The following WDR86 variants were observed in gnomAD, a reference collection of about 807,000 sequenced individuals.
The protein encoded by WDR86 is WD repeat-containing protein 86.
In WDR86, 30 loss-of-function variants were observed where a neutral mutation model predicts 36.5. That is an observed-to-expected ratio of 0.82 (90% CI 0.61 to 1.11). The LOEUF is 1.11. Ranked by LOEUF, WDR86 falls within the 50% of genes most tolerant of loss-of-function variation. WDR86 has a pLI of 0.00. For missense variants in WDR86, 545 were observed against 561.2 expected (o/e 0.97, Z 0.29); for synonymous variants, 255 against 252.9 (o/e 1.01, Z -0.08).
At chr7:151,375,954 G>A (rs371703710) in exon 2 of WDR86, 18 of 1,579,576 alleles carry the variant, frequency 1.1e-5, no homozygotes, top group Non-Finnish European at 1.6e-5. Context: ...GTGAGTGACA[G>A]GCCTTTGTGC....
At chr7:151,400,798 A>G (rs907383841) in intron 1 of WDR86, among the ~76,000 whole-genome samples, 1 of 152,214 alleles carries the variant, frequency 6.6e-6, no homozygotes, top group Non-Finnish European at 1.5e-5. Flanking sequence ...GGACGCAGCA[A>G]CCATGGCGAC....
chr7:151,395,930 C>T lies in WDR86; in HGVS notation c.572G>A (p.Gly191Asp), dbSNP rs1272525882. 1 of 1,596,308 alleles carries T rather than the reference C, an allele frequency of 6.3e-7. No homozygotes were observed. The highest frequency in any genetic ancestry group is 1.3e-5 in the African/African-American group (1 of 74,646). The change falls in exon 3 of 6, where the codon GGC becomes GAC. Residue 191 changes from glycine (G) to aspartate (D), a missense_variant. Gly to Asp is a moderately conservative substitution (Grantham distance 94). Coordinates refer to ENST00000334493, the MANE Select transcript of WDR86 (RefSeq NM_198285.3). The part of the protein sequence containing the change: ...ASGCCHQTLR[G>D]HTGAVLCLVL... ...TAGGCACAGCACTGCACCCGTGTGG[C>T]CCCGCAGCGTCTGGTGGCAGCAGCC...
rs961087840 is a variant in WDR86 at position 151,406,848 on chromosome 7, C to A, written c.163+2579G>T. Among the ~76,000 whole-genome samples, 2 of 151,908 alleles carry A rather than the reference C, an allele frequency of 1.3e-5. No homozygotes were observed. Among genetic ancestry groups the A allele is most frequent in the Admixed American group, 1.3e-4 (2 of 15,250 alleles). ...CTCAGAGTTGTGAGGATTCATTACA[C>A]AATAAAAAAGCACAAAGATGTGTTA... On this transcript the variant is annotated intron_variant, in intron 1 of 5. Transcript: ENST00000334493. This position sits in a 1 kb window ranked among gnomAD's most constrained non-coding sequence, Gnocchi z 4.4.
intron 3 of WDR86, among the ~76,000 whole-genome samples, chr7:151,393,200 C>T (rs897976179): frequency 5.6e-4 from 85 of 152,200 alleles, no homozygotes; most frequent in African/African-American, 1.7e-3. Context: ...TGTGTTCACA[C>T]GTGTGTTCAC....
At chr7:151,381,068 G>C (rs115584628), downstream of WDR86, 1,647 of 1,066,456 alleles carry the variant, frequency 1.5e-3, 19 homozygotes, top group African/African-American at 0.024. This position sits in a 1 kb window ranked among gnomAD's most constrained non-coding sequence, Gnocchi z 4.8. Context: ...GGAATCCCAA[G>C]CTCCAAAAAG....
Position 151,410,015 on chromosome 7 carries a change from C to G in WDR86, c.-426G>C. ...GAAGCCGAGCGCCCCGCGCCCTCCC[C>G]GGCCGAGCGCGGAACAATACGGTCC... On this transcript the variant is annotated 5_prime_UTR_variant, in exon 1 of 6. Coordinates refer to ENST00000334493, the MANE Select transcript of WDR86 (RefSeq NM_198285.3). 2 of 994,182 alleles carry G rather than the reference C, an allele frequency of 2.0e-6. No homozygotes were observed. Among genetic ancestry groups the G allele is most frequent in the Non-Finnish European group, 2.4e-6 (2 of 836,176 alleles). The allele number at this position is 994,182 out of a possible 1,614,324, so 61.6% of individuals were successfully genotyped here. A position where few individuals can be genotyped will look rare whatever the true frequency, so the allele number is the denominator to read the frequency against.
rs1340952111 is a variant in WDR86 at position 151,396,084 on chromosome 7, C to A, written c.418G>T (p.Val140Leu). The change falls in exon 3 of 6, where the codon GTG (valine) becomes TTG (leucine). Residue 140 changes from valine (V) to leucine (L), a missense_variant. Physicochemically the swap from Val to Leu is conservative, Grantham distance 32. Transcript: ENST00000334493. ...GGGGCAGAGTAGGCTAGGGTCAGCA[C>A]GCAGTTGCGGTGGCCCCGGAACTCC... ...SREFRGHRNC[V>L]LTLAYSAPWD... 1.9e-6 allele frequency: 3 copies of A among 1,612,756 alleles called. No homozygotes were observed. Among genetic ancestry groups the A allele is most frequent in the Admixed American group, 1.7e-5 (1 of 60,008 alleles).
chr7:151,395,948 C>T lies in WDR86; in HGVS notation c.554G>A (p.Cys185Tyr). 1 of 1,587,982 alleles carries T rather than the reference C, an allele frequency of 6.3e-7. No homozygotes were observed. Among genetic ancestry groups the T allele is most frequent in the Non-Finnish European group, 8.5e-7 (1 of 1,171,160 alleles). ...CGTGTGGCCCCGCAGCGTCTGGTGG[C>T]AGCAGCCGCTGGCCACCTGCCACAC... is the stretch of plus-strand genomic sequence containing the variant. ...AKVWQVASGC[C>Y]HQTLRGHTGA... Residue 185 changes from cysteine to tyrosine, a missense_variant, in exon 3 of 6, where the codon TGC (cysteine) becomes TAC (tyrosine). Transcript: ENST00000334493.
downstream of WDR86, chr7:151,377,216 G>A (rs1411754095): frequency 6.5e-6 from 10 of 1,533,816 alleles, no homozygotes; most frequent in Non-Finnish European, 8.8e-6. Context: ...CAGCAACAAA[G>A]AAAAACTAAA....
chr7:151,400,071 A>G lies in WDR86; in HGVS notation c.305+29T>C. ...CCACCAGAAGCCTATGTATGGTGAG[A>G]CTCAGCCCAAGCCCCCAGCCAGGCT... On this transcript the variant is annotated intron_variant, in intron 2 of 5. Transcript: ENST00000334493. 6 of 1,525,466 alleles carry G rather than the reference A, an allele frequency of 3.9e-6. No homozygotes were observed. In the Admixed American group the frequency reaches 7.8e-5, roughly 20 times the overall value. The allele number at this position is 1,525,466 out of a possible 1,614,324, so 94.5% of individuals were successfully genotyped here.
Position 151,385,214 on chromosome 7 carries a change from G to A in WDR86, c.736C>T (p.Arg246Ter), listed in dbSNP as rs376949128. The change falls in exon 4 of 6, where the codon CGA (arginine) becomes TGA (stop). Residue 246 changes from arginine to a stop codon, truncating the protein, a stop_gained. Transcript: ENST00000334493. LOFTEE classifies it high-confidence loss of function. ...GSVICLELVN[R>*]LVYSGSADRT... ...TCCGCGCTGCCAGAGTACACGAGTC[G>A]GTTCACCAGCTGCGAGGAGGAGCAG... The A allele has an allele frequency of 6.8e-6, 11 of 1,611,800 alleles. No individual in the cohort carries two copies. The highest frequency in any genetic ancestry group is 1.7e-4 in the Middle Eastern group (1 of 6,024).
At chr7:151,374,587 TGTA>T, downstream of WDR86, 1 of 372,522 alleles carries the variant, frequency 2.7e-6, no homozygotes, top group Non-Finnish European at 5.0e-6. Context: ...GAATTCAACT[TGTA>T]GTATAATTGT....
chr7:151,400,379 T>C (rs1800197159), intron 1 of WDR86, 138 bp from the exon 2 acceptor site: 2 of 957,118 alleles, frequency 2.1e-6, no homozygotes, highest in East Asian at 3.1e-5. Flanking sequence ...TTAGCATTAG[T>C]TTTGTTTTGT....
intron 1 of WDR86, chr7:151,408,999 C>T (rs1373779522): frequency 2.1e-6 from 1 of 478,814 alleles, no homozygotes; most frequent in Non-Finnish European, 4.3e-6. Context: ...TGAGAGTCGT[C>T]AACAGGAAAT....
At chr7:151,382,424 G>A (rs1321661917) in intron 4 of WDR86, among the ~76,000 whole-genome samples, 4 of 152,100 alleles carry the variant, frequency 2.6e-5, no homozygotes, top group Admixed American at 6.5e-5. Flanking sequence ...ACGCACCCCC[G>A]GGACCCCTAG....
intron 2 of WDR86, among the ~76,000 whole-genome samples, chr7:151,397,791 GCGGGAGGAAGGGCA>G (rs1231232363): frequency 2.2e-4 from 11 of 50,920 alleles, no homozygotes; most frequent in African/African-American, 5.8e-4. Flanking sequence ...GAAGGGCATA[GCGGGAGGAAGGGCA>G]TAGCGGGAGG....
intron 1 of WDR86, among the ~76,000 whole-genome samples, chr7:151,402,804 A>T (rs1035212035): frequency 6.6e-6 from 1 of 152,182 alleles, no homozygotes; most frequent in Non-Finnish European, 1.5e-5. Flanking sequence ...TAGCTTGACT[A>T]TCACCCTGGC....
At chr7:151,404,640 T>G (rs2374132) in intron 1 of WDR86, among the ~76,000 whole-genome samples, 122,970 of 152,222 alleles carry the variant, frequency 0.81, 50,116 homozygotes, top group African/African-American at 0.9. Context: ...GGGGCTGCAG[T>G]GATTGTGCAG....
downstream of WDR86, chr7:151,377,184 T>G (rs1798339764): frequency 6.3e-7 from 1 of 1,575,482 alleles, no homozygotes. Flanking sequence ...AGAGTACCTA[T>G]CCTATGTAGA....
Sources: gnomAD v4.1 joint callset for allele counts (sites outside exome capture counted in the v4.1 genomes callset) on GRCh38, gnomAD v4.1.1 for gene constraint, Gnocchi (gnomAD v3.1) non-coding constraint, MANE v1.5 for transcripts, NCBI Gene and HGNC (gene_info 2026-07-23, HGNC 2026-07-21) for gene names.